Variants in LDB2 observed in about 807,000 individuals in gnomAD.
The protein encoded by LDB2 is LIM domain binding 2.
A neutral mutation model predicts 44.3 loss-of-function variants in LDB2; 12 were observed. That is an observed-to-expected ratio of 0.27 (90% confidence interval 0.17 to 0.44). The LOEUF (loss-of-function observed/expected upper bound fraction) is 0.44, where lower values mean the gene tolerates loss of function less well. Among genes scored for constraint, LDB2 ranks in the 20% least tolerant of loss-of-function variants. The pLI, the probability that LDB2 is intolerant of heterozygous loss-of-function variation, is 1.00. For missense variants in LDB2, 344 were observed against 473.5 expected, an observed-to-expected ratio of 0.73 and a Z score of 2.54; for synonymous variants, 164 against 174.8, an observed-to-expected ratio of 0.94 and a Z score of 0.49.
chr4:16,531,408 A>T (rs777414686), intron 5 of LDB2, among the ~76,000 whole-genome samples: 1 of 152,252 alleles, frequency 6.6e-6, no homozygotes, highest in Non-Finnish European at 1.5e-5. Context: ...TGTGAAGGTG[A>T]AGAATGACAT....
At chr4:16,766,585 AACCTCC>A (rs1399036025) in intron 1 of LDB2, among the ~76,000 whole-genome samples, 1 of 149,792 alleles carries the variant, frequency 6.7e-6, no homozygotes, top group Non-Finnish European at 1.5e-5. Flanking sequence ...GGCTCACTGC[AACCTCC>A]ACCTCCTGTG....
At chr4:16,544,505 C>G (rs1033961976) in intron 5 of LDB2, among the ~76,000 whole-genome samples, 1 of 152,158 alleles carries the variant, frequency 6.6e-6, no homozygotes, top group African/African-American at 2.4e-5. Flanking sequence ...GCTCAATCTG[C>G]CTGCTTCACC....
chr4:16,750,992 T>C (rs1250641686), intron 2 of LDB2: 4 of 152,178 alleles, frequency 2.6e-5, no homozygotes, highest in Non-Finnish European at 5.9e-5. Flanking sequence ...TAGTGTTGTT[T>C]CAGTTTGGAA....
In LDB2 at chr4:16,502,275, C is replaced by T; in HGVS notation, c.*368G>A. On this transcript the variant is annotated 3_prime_UTR_variant, in exon 8 of 8. Coordinates refer to ENST00000304523, the MANE Select transcript of LDB2 (RefSeq NM_001290.5). ...GTTAGGTTCGGCATATTAATGAGAT[C>T]CTGAGCACTGAGCATTTATGGACAA... is the stretch of plus-strand genomic sequence containing the variant. The T allele has an allele frequency of 4.7e-6, 1 of 213,110 alleles. No individual in the cohort carries two copies. Among genetic ancestry groups the T allele is most frequent in the South Asian group, 9.7e-5 (1 of 10,342 alleles). The allele number at this position is 213,110 out of a possible 1,614,324, so 13.2% of individuals were successfully genotyped here.
chr4:16,803,909 C>T (rs1778306719), intron 1 of LDB2, among the ~76,000 whole-genome samples: 1 of 152,142 alleles, frequency 6.6e-6, no homozygotes, highest in African/African-American at 2.4e-5. Flanking sequence ...AAATAGCTTT[C>T]AAATCAGCCA....
intron 1 of LDB2, among the ~76,000 whole-genome samples, chr4:16,827,615 G>T (rs56355511): frequency 6.6e-6 from 1 of 152,064 alleles, no homozygotes. Flanking sequence ...ATATACATAC[G>T]TGTGTGTGTA....
chr4:16,648,779 A>C (rs191949764), intron 2 of LDB2, among the ~76,000 whole-genome samples: 141 of 152,188 alleles, frequency 9.3e-4, no homozygotes, highest in African/African-American at 3.2e-3. Flanking sequence ...TGAAAACTCC[A>C]AGTCACTCTA....
chr4:16,862,633 CAAAAAAAAAAAAAAAAAAAA>C (rs58157857), intron 1 of LDB2, among the ~76,000 whole-genome samples: 7 of 45,078 alleles, frequency 1.6e-4, no homozygotes, highest in African/African-American at 5.5e-4. Flanking sequence ...AATTCCATCT[CAAAAAAAAAAAAAAAAAAAA>C]AAAAAAAAAA....
At chr4:16,567,079 T>C (rs1028298941) in intron 5 of LDB2, among the ~76,000 whole-genome samples, 2 of 152,210 alleles carry the variant, frequency 1.3e-5, no homozygotes, top group African/African-American at 2.4e-5. Context: ...CTTGAAAATA[T>C]CTATCAAAAT....
At chr4:16,550,188 C>A (rs57089299) in intron 5 of LDB2, among the ~76,000 whole-genome samples, 12,020 of 152,228 alleles carry the variant, frequency 0.079, 898 homozygotes, top group East Asian at 0.44. Flanking sequence ...ATTTATTCAA[C>A]CCTCTTCATT....
chr4:16,632,411 A>C (rs1180267340), intron 2 of LDB2, among the ~76,000 whole-genome samples: 1 of 152,230 alleles, frequency 6.6e-6, no homozygotes, highest in Non-Finnish European at 1.5e-5. Context: ...TCAATAAATT[A>C]GGTATTGATG....
Position 16,739,664 on chromosome 4 carries a change from A to G in LDB2, c.235+19494T>C, listed in dbSNP as rs55658315. Among the ~76,000 whole-genome samples the G allele has an allele frequency of 3.0e-4, 27 of 88,874 alleles. 3 individuals are homozygous for G. Among genetic ancestry groups the G allele is most frequent in the African/African-American group, 1.1e-3 (25 of 22,452 alleles). The allele number at this position is 88,874 out of a possible 152,430, so 58.3% of individuals were successfully genotyped here. ...TATATACATATGTGTGTATATATGT[A>G]TATATACATATGTGTGTATATATGT... On this transcript the variant is annotated intron_variant, in intron 2 of 7. Coordinates refer to ENST00000304523, the MANE Select transcript of LDB2 (RefSeq NM_001290.5).
intron 1 of LDB2, among the ~76,000 whole-genome samples, chr4:16,884,224 A>G (rs559459936): frequency 1.1e-4 from 17 of 152,326 alleles, no homozygotes; most frequent in African/African-American, 3.6e-4. Context: ...ACTATGTACC[A>G]GGTGTTGGTC....
intron 2 of LDB2, among the ~76,000 whole-genome samples, chr4:16,674,946 C>T (rs893229962): frequency 7.2e-5 from 8 of 110,518 alleles, no homozygotes; most frequent in Non-Finnish European, 1.4e-4. Flanking sequence ...AACCTGAAAG[C>T]GAATTCCCTG....
chr4:16,631,181 G>A (rs975145870), intron 2 of LDB2, among the ~76,000 whole-genome samples: 3 of 152,070 alleles, frequency 2.0e-5, no homozygotes, highest in Non-Finnish European at 4.4e-5. Context: ...CACATAATTG[G>A]AAATAAAACA....
Position 16,667,424 on chromosome 4 carries a change from G to A in LDB2, c.236-71549C>T, listed in dbSNP as rs577313798. 2.6e-5 allele frequency among the ~76,000 whole-genome samples: 4 copies of A among 152,280 alleles called. No individual in the cohort carries two copies. The East Asian group carries it at 7.7e-4, about 29-fold the overall frequency. ...CCATTATCATTTTCATTTTAGGGCT[G>A]AGGAAACTGAGATCTAGAGGTGGGA... On this transcript the variant is annotated intron_variant, in intron 2 of 7. Coordinates refer to ENST00000304523, the MANE Select transcript of LDB2 (RefSeq NM_001290.5).
chr4:16,583,938 T>C (rs1715752946), intron 5 of LDB2, among the ~76,000 whole-genome samples: 1 of 152,106 alleles, frequency 6.6e-6, no homozygotes, highest in Non-Finnish European at 1.5e-5. Flanking sequence ...TGCTCCACCA[T>C]GAAGCCCAGC....
intron 4 of LDB2, 25 bp downstream of exon 4, chr4:16,588,685 G>C (rs1418074245): frequency 3.1e-6 from 5 of 1,608,498 alleles, no homozygotes; most frequent in Non-Finnish European, 4.2e-6. Context: ...AGAAAAGAAA[G>C]CAAAACAGAA....
At chr4:16,792,663 G>A (rs991459727) in intron 1 of LDB2, among the ~76,000 whole-genome samples, 4 of 152,104 alleles carry the variant, frequency 2.6e-5, no homozygotes, top group African/African-American at 9.7e-5. Context: ...CTGCCAATCT[G>A]GACAGATAAA....
Sources: allele counts gnomAD v4.1 joint callset (sites outside exome capture counted in the v4.1 genomes callset), GRCh38; gene constraint gnomAD v4.1.1; transcripts MANE v1.5; gene names NCBI Gene and HGNC (gene_info 2026-07-23, HGNC 2026-07-21).